The following TET3 variants were observed in gnomAD, a reference collection of about 807,000 sequenced individuals.
TET3 encodes the protein tet methylcytosine dioxygenase 3, also known as methylcytosine dioxygenase TET3.
In TET3, 19 loss-of-function variants were observed where a neutral mutation model predicts 141.4. The observed-to-expected ratio is 0.13, with a 90% CI of 0.09 to 0.20. The LOEUF is 0.20. Ranked by LOEUF, TET3 falls within the 10% of genes least tolerant of loss-of-function variation. The pLI, the probability that TET3 is intolerant of heterozygous loss-of-function variation, is 1.00. For missense variants in TET3, 1,874 were observed against 2,356.9 expected (o/e 0.80, Z 4.24); for synonymous variants, 1,043 against 980.9 (o/e 1.06, Z -1.18).
At chr2:74,005,574 G>A (rs1355907722) in intron 3 of TET3, among the ~76,000 whole-genome samples, 1 of 152,156 alleles carries the variant, frequency 6.6e-6, no homozygotes. Context: ...TGTCTGATGT[G>A]TGAGCTCATC....
rs887495079 is a variant in TET3, at chr2:73,986,056, C to G, written c.-348C>G. 1 of 206,508 alleles carries G rather than the reference C, an allele frequency of 4.8e-6. No homozygotes were observed. Among genetic ancestry groups the G allele is most frequent in the African/African-American group, 2.3e-5 (1 of 43,670 alleles). 12.8% of individuals were successfully genotyped at this position (206,508 alleles called of 1,614,324 possible). On this transcript the variant is annotated 5_prime_UTR_variant, in exon 2 of 12. Transcript: ENST00000409262. ...AACTGCTCACTCAGCTCTGCCCCCA[C>G]CACACCCCTACCTGCTCAACTCATG...
chr2:74,059,403 C>T (rs1190257753), intron 4 of TET3, among the ~76,000 whole-genome samples: 1 of 152,220 alleles, frequency 6.6e-6, no homozygotes, highest in Non-Finnish European at 1.5e-5. Flanking sequence ...CAGGCATGCG[C>T]CACCACACCT....
rs1684010728 is a variant in TET3 at position 73,986,053 on chromosome 2, C to T, written c.-351C>T. The T allele has an allele frequency of 4.9e-6, 1 of 203,606 alleles. No individual in the cohort carries two copies. The highest frequency in any genetic ancestry group is 2.3e-5 in the African/African-American group (1 of 43,544). The allele number at this position is 203,606 out of a possible 1,614,324, so 12.6% of individuals were successfully genotyped here. ...AGAAACTGCTCACTCAGCTCTGCCC[C>T]CACCACACCCCTACCTGCTCAACTC... On this transcript the variant is annotated 5_prime_UTR_variant, in exon 2 of 12. Transcript: ENST00000409262.
In TET3 at chr2:74,090,052, G is replaced by A. The variant is rs771780430; in HGVS notation, c.3039+5G>A. The A allele has an allele frequency of 1.2e-6, 2 of 1,613,658 alleles. No homozygotes were observed. Among genetic ancestry groups the A allele is most frequent in the Non-Finnish European group, 1.7e-6 (2 of 1,179,686 alleles). On this transcript the variant is annotated splice_donor_5th_base_variant and intron_variant, in intron 8 of 11. Transcript: ENST00000409262. Reference sequence around the variant, plus strand: ...GCAGGGGACAATCCCAAAGAGGTGAGCAGAGCTGGGCGGGGACCCTGCCTC... The same window carrying A: ...GCAGGGGACAATCCCAAAGAGGTGAACAGAGCTGGGCGGGGACCCTGCCTC...
At chr2:74,096,773 AAAAAAAAG>A (rs1690857774) in intron 10 of TET3, among the ~76,000 whole-genome samples, 1 of 144,820 alleles carries the variant, frequency 6.9e-6, no homozygotes, top group African/African-American at 2.7e-5. Flanking sequence ...TGTCTCAAAA[AAAAAAAAG>A]AAAGAAAGAA....
At chr2:74,022,600 A>G in intron 3 of TET3, among the ~76,000 whole-genome samples, 1 of 151,706 alleles carries the variant, frequency 6.6e-6, no homozygotes, top group Non-Finnish European at 1.5e-5. Flanking sequence ...TGTGCCAGAC[A>G]GAACACAGAA....
At chr2:74,048,554 A>C in intron 4 of TET3, 143 bp downstream of exon 4, 4 of 958,356 alleles carry the variant, frequency 4.2e-6, no homozygotes, top group Non-Finnish European at 3.1e-6. Context: ...AAATGAGCTC[A>C]TAGCCTAGTG....
chr2:74,002,852 C>T, intron 2 of TET3: 4 of 568,888 alleles, frequency 7.0e-6, no homozygotes, highest in South Asian at 6.5e-5. Context: ...CCGGGGGTCG[C>T]CGTCCTCTCG....
At chr2:74,128,992 T>TAAAAAAAA in the TET3 span, among the ~76,000 whole-genome samples, 1 of 77,922 alleles carries the variant, frequency 1.3e-5, no homozygotes, top group African/African-American at 5.9e-5. Context: ...TGTCTCAATT[T>TAAAAAAAA]AAAAAAAAAA....
At chr2:74,032,449 CTCTGTGTGTGTGTG>C (rs1558729672) in intron 3 of TET3, among the ~76,000 whole-genome samples, 7 of 42,056 alleles carry the variant, frequency 1.7e-4, no homozygotes, top group Non-Finnish European at 2.9e-4. Context: ...AGGGGTGTGT[CTCTGTGTGTGTGTG>C]TGTGTGTGTG....
At chr2:74,061,396 G>A (rs1273304002) in intron 4 of TET3, among the ~76,000 whole-genome samples, 1 of 143,070 alleles carries the variant, frequency 7.0e-6, no homozygotes, top group South Asian at 2.2e-4. Context: ...CCTCCCGGAC[G>A]GGGCGGCTGG....
chr2:74,058,976 C>T (rs1453601724), intron 4 of TET3, among the ~76,000 whole-genome samples: 4 of 152,180 alleles, frequency 2.6e-5, no homozygotes, highest in African/African-American at 9.7e-5. Flanking sequence ...TGTCTATAGC[C>T]ACTTTTGCAC....
the TET3 span, among the ~76,000 whole-genome samples, chr2:74,130,113 G>A: frequency 2.3e-5 from 3 of 131,054 alleles, no homozygotes; most frequent in Admixed American, 2.4e-4. Context: ...AAAAAAAAAA[G>A]TTGGCTTTAG....
intron 3 of TET3, among the ~76,000 whole-genome samples, chr2:74,023,113 G>T (rs550806057): frequency 6.6e-6 from 1 of 152,212 alleles, no homozygotes; most frequent in Admixed American, 6.5e-5. Context: ...TCATGTTGAT[G>T]CTGCTGTTCC....
intron 2 of TET3, among the ~76,000 whole-genome samples, chr2:73,998,142 G>A (rs955793524): frequency 2.0e-5 from 3 of 152,168 alleles, no homozygotes; most frequent in African/African-American, 4.8e-5. Flanking sequence ...AAGGTCAGAC[G>A]CTTTGTGTTA....
chr2:74,064,471 C>T (rs1312843910), intron 4 of TET3, among the ~76,000 whole-genome samples: 3 of 152,196 alleles, frequency 2.0e-5, no homozygotes, highest in Admixed American at 1.3e-4. Context: ...GTGATTCCCA[C>T]TCACTACAAC....
At position 74,047,510 on chromosome 2, in the gene TET3, C is replaced by T; in HGVS notation, c.1593C>T (p.His531=). 2 of 1,613,230 alleles carry T rather than the reference C, an allele frequency of 1.2e-6. No homozygotes were observed. The highest frequency in any genetic ancestry group is 1.6e-4 in the Middle Eastern group (1 of 6,062). The change falls in exon 4 of 12, where the codon CAC becomes CAT. Residue 531 remains histidine, a synonymous_variant. Coordinates refer to ENST00000409262, the MANE Select transcript of TET3 (RefSeq NM_001287491.2). The stretch of plus-strand genomic sequence containing the variant: ...AGGCCCAGACCGCCCTGCAGCAGCA[C>T]CTCCACCACAAGCGCAGCCTCTTCC... ...HQKAQTALQQ[H]LHHKRSLFLE...
chr2:74,049,942 T>C (rs1217317469), intron 4 of TET3, among the ~76,000 whole-genome samples: 2 of 152,082 alleles, frequency 1.3e-5, no homozygotes, highest in African/African-American at 4.8e-5. Flanking sequence ...AGTAACGACA[T>C]GACTTCGAGG....
Position 74,046,821 on chromosome 2 carries a change from C to T in TET3, c.904C>T (p.Pro302Ser), listed in dbSNP as rs1380937320. The part of the protein sequence containing the change: ...SVVMEGGEER[P>S]RLPGPLPPGE... The stretch of plus-strand genomic sequence containing the variant: ...GGTCATGGAAGGAGGGGAGGAGCGG[C>T]CCAGGCTCCCAGGGCCTCTGCCTCC... Residue 302 changes from proline (P) to serine (S), a missense_variant, in exon 4 of 12, where the codon CCC becomes TCC. By Grantham distance (74) the Pro-to-Ser change is moderately conservative. Around this residue, in one of 10 missense-constraint regions of TET3, gnomAD observed 366 missense variants for 487.0 expected, o/e 0.75. Coordinates refer to ENST00000409262, the MANE Select transcript of TET3 (RefSeq NM_001287491.2). This position sits in a 1 kb window ranked among gnomAD's most constrained non-coding sequence, Gnocchi z 4.3. The T allele has an allele frequency of 6.2e-7, 1 of 1,613,154 alleles. No homozygotes were observed. The highest frequency in any genetic ancestry group is 8.5e-7 in the Non-Finnish European group (1 of 1,179,874).
Sources: gnomAD v4.1 joint callset for allele counts (sites outside exome capture counted in the v4.1 genomes callset) on GRCh38, gnomAD v4.1.1 for gene constraint, gnomAD v4.1.1 regional missense constraint, Gnocchi (gnomAD v3.1) non-coding constraint, MANE v1.5 for transcripts, NCBI Gene and HGNC (gene_info 2026-07-23, HGNC 2026-07-21) for gene names.